CNTNAP5: variants seen among roughly 807,000 people sequenced by gnomAD.
CNTNAP5 encodes contactin associated protein family member 5.
CNTNAP5 carries 72 observed loss-of-function variants against 150.2 expected under a neutral mutation model. The observed-to-expected ratio is 0.48, with a 90% CI of 0.40 to 0.58. The LOEUF (loss-of-function observed/expected upper bound fraction) is 0.58. CNTNAP5 is among the 20% of genes least tolerant of loss of function. The pLI is 0.00. For missense variants in CNTNAP5, 1,636 were observed against 1,626.2 expected (o/e 1.01, Z -0.10); for synonymous variants, 672 against 619.8 (o/e 1.08, Z -1.25).
chr2:124,209,428 T>A (rs13391053), intron 1 of CNTNAP5, among the ~76,000 whole-genome samples: 47,506 of 152,028 alleles, frequency 0.31, 7,554 homozygotes, highest in South Asian at 0.48. Context: ...GAAATCACAC[T>A]CATAGGACAA....
chr2:124,713,446 C>G (rs183346132), intron 13 of CNTNAP5, among the ~76,000 whole-genome samples: 2 of 149,270 alleles, frequency 1.3e-5, no homozygotes, highest in East Asian at 4.0e-4. Context: ...GATGCCATCT[C>G]GGCTCACTGA....
chr2:124,782,312 G>A (rs899692395), intron 17 of CNTNAP5, among the ~76,000 whole-genome samples: 1 of 152,094 alleles, frequency 6.6e-6, no homozygotes, highest in African/African-American at 2.4e-5. Context: ...AATGTGTCCT[G>A]CTTGCTTTGT....
At chr2:124,568,139 G>C (rs1458407723) in intron 11 of CNTNAP5, among the ~76,000 whole-genome samples, 1 of 152,126 alleles carries the variant, frequency 6.6e-6, no homozygotes, top group Non-Finnish European at 1.5e-5. Context: ...ACTTGGTGAT[G>C]GGACATTCAT....
At chr2:124,116,103 T>G (rs575238184) in intron 1 of CNTNAP5, among the ~76,000 whole-genome samples, 2 of 152,320 alleles carry the variant, frequency 1.3e-5, no homozygotes, top group South Asian at 4.1e-4. Flanking sequence ...CAGGGCCAGT[T>G]TTTGTTTTCT....
At chr2:124,873,433 C>A (rs1677792634) in intron 21 of CNTNAP5, among the ~76,000 whole-genome samples, 1 of 152,090 alleles carries the variant, frequency 6.6e-6, no homozygotes, top group Admixed American at 6.6e-5. Context: ...AAAATGTCTT[C>A]ATTGTTCTAA....
At chr2:124,827,697 A>G (rs539987975) in intron 19 of CNTNAP5, among the ~76,000 whole-genome samples, 182 of 152,186 alleles carry the variant, frequency 1.2e-3, no homozygotes, top group African/African-American at 4.2e-3. Flanking sequence ...CGTATAATAC[A>G]TTTTCCTTTT....
chr2:124,389,511 CA>C (rs1270568959), intron 3 of CNTNAP5, among the ~76,000 whole-genome samples: 1 of 151,924 alleles, frequency 6.6e-6, no homozygotes, highest in African/African-American at 2.4e-5. Flanking sequence ...TTTTGTCAGA[CA>C]AAAAAATTCA....
At chr2:124,286,845 T>C (rs1688165874) in intron 3 of CNTNAP5, among the ~76,000 whole-genome samples, 1 of 152,178 alleles carries the variant, frequency 6.6e-6, no homozygotes, top group Admixed American at 6.5e-5. Context: ...CATTGGAAAG[T>C]TCCATCTCAA....
At chr2:124,047,683 G>A (rs1441135557) in intron 1 of CNTNAP5, among the ~76,000 whole-genome samples, 2 of 152,162 alleles carry the variant, frequency 1.3e-5, no homozygotes, top group African/African-American at 4.8e-5. Context: ...TGTCCCTGGT[G>A]CATGAAAAAG....
At chr2:124,290,162 C>A (rs1390620536) in intron 3 of CNTNAP5, among the ~76,000 whole-genome samples, 1 of 151,996 alleles carries the variant, frequency 6.6e-6, no homozygotes, top group Non-Finnish European at 1.5e-5. Context: ...CTCAGCATGG[C>A]ATATCTGAAG....
At chr2:124,870,397 T>A (rs1340914259) in intron 21 of CNTNAP5, among the ~76,000 whole-genome samples, 2 of 152,208 alleles carry the variant, frequency 1.3e-5, no homozygotes, top group Non-Finnish European at 2.9e-5. Context: ...TTCTCATTCT[T>A]TTTCTTTCAA....
rs138317248 is a variant in CNTNAP5 at position 124,219,145 on chromosome 2, GGTTGA to G, written c.83-2554_83-2550del. On this transcript the variant is annotated intron_variant, in intron 1 of 23. Coordinates refer to ENST00000682447, the MANE Select transcript of CNTNAP5 (RefSeq NM_001367498.1). ...CAGAGTTGTTTCTTGAGCAATGTAT[GGTTGA>G]GTTGACTTGAAACATATACAGGGGT... is the stretch of plus-strand genomic sequence containing the variant. Among the ~76,000 whole-genome samples, 1,185 of 152,122 alleles carry G rather than the reference GGTTGA, an allele frequency of 7.8e-3. 15 individuals are homozygous for G. The highest frequency in any genetic ancestry group is 0.026 in the African/African-American group (1,098 of 41,532).
At chr2:124,618,265 T>G (rs565720109) in intron 12 of CNTNAP5, among the ~76,000 whole-genome samples, 12 of 150,750 alleles carry the variant, frequency 8.0e-5, no homozygotes, top group Non-Finnish European at 1.8e-4. Context: ...TGAAAAAAAT[T>G]AAAAAAAAAG....
At chr2:124,113,624 T>A (rs1573762975) in intron 1 of CNTNAP5, among the ~76,000 whole-genome samples, 2 of 152,008 alleles carry the variant, frequency 1.3e-5, no homozygotes, top group East Asian at 3.9e-4. Context: ...TCTTACTGTG[T>A]GTTTGTTCAT....
At chr2:124,105,148 A>T (rs1683147716) in intron 1 of CNTNAP5, among the ~76,000 whole-genome samples, 2 of 151,898 alleles carry the variant, frequency 1.3e-5, no homozygotes, top group Non-Finnish European at 2.9e-5. Flanking sequence ...AATCTTACTG[A>T]TCTCTTCAGA....
chr2:124,359,597 C>G (rs1369898289), intron 3 of CNTNAP5, among the ~76,000 whole-genome samples: 2 of 136,358 alleles, frequency 1.5e-5, no homozygotes, highest in Admixed American at 1.5e-4. Context: ...TGTTCAGTTT[C>G]CATGTAGTTG....
At chr2:124,522,187 C>G (rs1419733369) in intron 8 of CNTNAP5, among the ~76,000 whole-genome samples, 1 of 152,196 alleles carries the variant, frequency 6.6e-6, no homozygotes, top group Non-Finnish European at 1.5e-5. Flanking sequence ...CGGCTCTTCA[C>G]TTGCCACTCT....
chr2:124,504,604 A>G, intron 8 of CNTNAP5, 48 bp downstream of exon 8: 2 of 1,587,118 alleles, frequency 1.3e-6, no homozygotes, highest in Non-Finnish European at 1.7e-6. Context: ...ATCCAAGTCG[A>G]CAAAGGTTGA....
intron 3 of CNTNAP5, among the ~76,000 whole-genome samples, chr2:124,327,136 A>G (rs1490733639): frequency 6.6e-6 from 1 of 150,806 alleles, no homozygotes; most frequent in Non-Finnish European, 1.5e-5. Flanking sequence ...GCCTGCCACC[A>G]CACCTGGCTA....
Sources: gnomAD v4.1 joint callset for allele counts (sites outside exome capture counted in the v4.1 genomes callset) on GRCh38, gnomAD v4.1.1 for gene constraint, MANE v1.5 for transcripts, NCBI Gene and HGNC (gene_info 2026-07-23, HGNC 2026-07-21) for gene names.